The following IL17RA variants were observed in gnomAD, a reference collection of about 807,000 sequenced individuals.
IL17RA encodes interleukin 17 receptor A.
A neutral mutation model predicts 50.4 loss-of-function variants in IL17RA; 34 were observed. The ratio of observed to expected loss-of-function variants is 0.67; its 90% CI spans 0.51 to 0.90. The LOEUF (loss-of-function observed/expected upper bound fraction) is 0.90, where lower values mean the gene tolerates loss of function less well. IL17RA is among the 40% of genes least tolerant of loss of function. The probability of loss-of-function intolerance (pLI) is 0.00; values close to 1 mark genes in which losing one functional copy is unlikely to be tolerated. For synonymous variants in IL17RA, 585 were observed against 510.4 expected (o/e 1.15, Z -1.97); for missense variants, 1,276 against 1,169.8 (o/e 1.09, Z -1.32).
At chr22:17,104,916 GAGTTT>G (rs1264241924) in intron 9 of IL17RA, 106 bp downstream of exon 9, 17 of 1,089,366 alleles carry the variant, frequency 1.6e-5, no homozygotes, top group Non-Finnish European at 2.4e-5. Flanking sequence ...TTAGGGAGGA[GAGTTT>G]AGTTTAACTT....
Position 17,103,540 on chromosome 22 carries a change from T to C in IL17RA, c.809T>C (p.Leu270Pro), listed in dbSNP as rs759589886. The change falls in exon 8 of 13, where the codon CTA becomes CCA. Residue 270 changes from leucine (L) to proline (P), a missense_variant. Coordinates refer to ENST00000319363, the MANE Select transcript of IL17RA (RefSeq NM_014339.7). Reference protein sequence around the residue: ...FHQRSNVTLTLRNLKGCCRHQ... With the variant: ...FHQRSNVTLTPRNLKGCCRHQ... ...CAGCGATCCAACGTCACACTCACTC[T>C]ACGCAACCTTAAAGGGTGCTGTCGC... is the stretch of plus-strand genomic sequence containing the variant. 6 of 1,613,676 alleles carry C rather than the reference T, an allele frequency of 3.7e-6. No homozygotes were observed. In the Admixed American group the frequency reaches 6.7e-5, roughly 18 times the overall value.
intron 1 of IL17RA, among the ~76,000 whole-genome samples, chr22:17,086,208 G>C (rs987342348): frequency 6.6e-6 from 1 of 151,918 alleles, no homozygotes; most frequent in African/African-American, 2.4e-5. Flanking sequence ...CATCCCCGAG[G>C]GGATCTTTCC....
rs979578725 is a variant in IL17RA, at chr22:17,111,244, C to G, written c.*1424C>G. The stretch of plus-strand genomic sequence containing the variant: ...TTCATTTATAGGAAGAGAGAAATGT[C>G]GAGGTGAAACGTAAAAGCATCTGGC... On this transcript the variant is annotated 3_prime_UTR_variant, in exon 13 of 13. Transcript: ENST00000319363. The G allele has an allele frequency of 6.6e-6, 1 of 152,226 alleles. No individual in the cohort carries two copies. Among genetic ancestry groups the G allele is most frequent in the East Asian group, 1.9e-4 (1 of 5,168 alleles). 9.4% of individuals were successfully genotyped at this position (152,226 alleles called of 1,614,324 possible). A position where few individuals can be genotyped will look rare whatever the true frequency, so the allele number is the denominator to read the frequency against.
intron 1 of IL17RA, among the ~76,000 whole-genome samples, chr22:17,096,508 AC>A (rs975293201): frequency 1.3e-4 from 20 of 152,074 alleles, no homozygotes; most frequent in African/African-American, 4.6e-4. Context: ...TTCTCAGGGC[AC>A]TCCAAGAGAA....
Position 17,108,339 on chromosome 22 carries a change from C to T in IL17RA, c.1120C>T (p.Pro374Ser), listed in dbSNP as rs1601349199. The T allele has an allele frequency of 1.9e-6, 3 of 1,614,172 alleles. No individual in the cohort carries two copies. The highest frequency in any genetic ancestry group is 1.7e-4 in the Middle Eastern group (1 of 6,056). Residue 374 changes from proline (P) to serine (S), a missense_variant, in exon 13 of 13, where the codon CCG becomes TCG. By Grantham distance (74) the Pro-to-Ser change is moderately conservative (BLOSUM62 -1). Transcript: ENST00000319363. ...GCCTGCGGCTGACCTGATCCCCCCA[C>T]CGCTGAAGCCCAGGAAGGTCTGGAT... ...GLPAADLIPP[P>S]LKPRKVWIIY...
In IL17RA at chr22:17,113,319, A is replaced by G. The variant is rs1170851928; in HGVS notation, c.*3499A>G. On this transcript the variant is annotated 3_prime_UTR_variant, in exon 13 of 13. Transcript: ENST00000319363. ...AGCCATCTTTCCACCTCAGCCTGCCAGTGGCTAGAACTACAGGCGTGCACC... is the reference window on the plus strand; with the variant it reads ...AGCCATCTTTCCACCTCAGCCTGCCGGTGGCTAGAACTACAGGCGTGCACC... 1 of 152,240 alleles carries G rather than the reference A, an allele frequency of 6.6e-6. No individual in the cohort carries two copies. The highest frequency in any genetic ancestry group is 1.5e-5 in the Non-Finnish European group (1 of 68,140). The allele number at this position is 152,240 out of a possible 1,614,324, so 9.4% of individuals were successfully genotyped here. A position where few individuals can be genotyped will look rare whatever the true frequency, so the allele number is the denominator to read the frequency against.
intron 2 of IL17RA, chr22:17,097,456 G>A (rs2061372335): frequency 1.9e-6 from 1 of 515,102 alleles, no homozygotes; most frequent in African/African-American, 1.9e-5. Context: ...TCAAGTGTCT[G>A]AGCCAATTAG....
chr22:17,094,691 C>CTATATATATATATATATATATATATA (rs1188416715), intron 1 of IL17RA, among the ~76,000 whole-genome samples: 2 of 24,702 alleles, frequency 8.1e-5, no homozygotes, highest in Non-Finnish European at 1.3e-4. Context: ...CTCTCTCTCT[C>CTATATATATATATATATATATATATA]TATATATATA....
At position 17,113,150 on chromosome 22, in the gene IL17RA, T is replaced by C. The variant is rs894675834; in HGVS notation, c.*3330T>C. 6.6e-6 allele frequency: 1 copy of C among 152,214 alleles called. No individual in the cohort carries two copies. Among genetic ancestry groups the C allele is most frequent in the East Asian group, 1.9e-4 (1 of 5,204 alleles). The allele number at this position is 152,214 out of a possible 1,614,324, so 9.4% of individuals were successfully genotyped here. Reference sequence around the variant, plus strand: ...AGCAGTTTGAGCTGGGATCTCTGAATGCAAGGGTATGATGGATATACTTCT... The same window carrying C: ...AGCAGTTTGAGCTGGGATCTCTGAACGCAAGGGTATGATGGATATACTTCT... On this transcript the variant is annotated 3_prime_UTR_variant, in exon 13 of 13. Transcript: ENST00000319363.
chr22:17,106,610 C>T (rs992172474), intron 11 of IL17RA, among the ~76,000 whole-genome samples: 39 of 152,216 alleles, frequency 2.6e-4, no homozygotes, highest in African/African-American at 9.2e-4. Context: ...AGAACACAGG[C>T]CTTCCGGTTG....
In IL17RA at chr22:17,110,843, TAGAA is replaced by T. The variant is rs1568925064; in HGVS notation, c.*1027_*1030del. 6.6e-6 allele frequency: 1 copy of T among 151,984 alleles called. No individual in the cohort carries two copies. Among genetic ancestry groups the T allele is most frequent in the Non-Finnish European group, 1.5e-5 (1 of 68,164 alleles). 9.4% of individuals were successfully genotyped at this position (151,984 alleles called of 1,614,324 possible). A position where few individuals can be genotyped will look rare whatever the true frequency, so the allele number is the denominator to read the frequency against. ...CCCTGTCTCAAAAAAAATAAAAAAG[TAGAA>T]AGATGGAGTGGAAGCCTGCCCAGGG... On this transcript the variant is annotated 3_prime_UTR_variant, in exon 13 of 13. Coordinates refer to ENST00000319363, the MANE Select transcript of IL17RA (RefSeq NM_014339.7).
At chr22:17,101,899 A>G (rs2061392767) in intron 5 of IL17RA, 97 bp from the exon 6 acceptor site, 1 of 1,491,722 alleles carries the variant, frequency 6.7e-7, no homozygotes. Context: ...ACAGGCTCCC[A>G]GTGGGGAAAA....
At chr22:17,091,343 G>T (rs1279749187) in intron 1 of IL17RA, among the ~76,000 whole-genome samples, 6 of 152,114 alleles carry the variant, frequency 3.9e-5, no homozygotes, top group Non-Finnish European at 8.8e-5. Context: ...TGAAAGCATT[G>T]CTTTATTGCC....
chr22:17,103,823 GA>G (rs2061401535), intron 8 of IL17RA, among the ~76,000 whole-genome samples: 1 of 139,170 alleles, frequency 7.2e-6, no homozygotes, highest in African/African-American at 2.7e-5. Flanking sequence ...TGCACAGGTG[GA>G]GAGAGTGGTG....
intron 8 of IL17RA, among the ~76,000 whole-genome samples, chr22:17,104,397 TGTG>T (rs2061405274): frequency 9.6e-6 from 1 of 104,166 alleles, no homozygotes; most frequent in South Asian, 3.2e-4. Context: ...AGGTGGAGAG[TGTG>T]GTGTGGACGG....
In IL17RA at chr22:17,097,089, A is replaced by T. The variant is rs1345857269; in HGVS notation, c.163+3A>T. ...GCTAAACTGCACGGTCAAGAATAGT[A>T]AGTCATCTTTTTCTGTTCTTCTTCT... On this transcript the variant is annotated splice_donor_region_variant and intron_variant, in intron 2 of 12. Transcript: ENST00000319363. The T allele has an allele frequency of 6.2e-7, 1 of 1,613,064 alleles. No individual in the cohort carries two copies.
At position 17,110,245 on chromosome 22, in the gene IL17RA, C is replaced by G. The variant is rs1356183540; in HGVS notation, c.*425C>G. On this transcript the variant is annotated 3_prime_UTR_variant, in exon 13 of 13. Transcript: ENST00000319363. ...GGGCACGGTGGCTCACGCCTGTAAT[C>G]CCAGCACACTGGGAGGCCGAGGCAG... 2 of 273,456 alleles carry G rather than the reference C, an allele frequency of 7.3e-6. No homozygotes were observed. Among genetic ancestry groups the G allele is most frequent in the Non-Finnish European group, 1.4e-5 (2 of 140,448 alleles). The allele number at this position is 273,456 out of a possible 1,614,324, so 16.9% of individuals were successfully genotyped here. A position where few individuals can be genotyped will look rare whatever the true frequency, so the allele number is the denominator to read the frequency against.
chr22:17,105,760 G>A (rs2061412182), intron 10 of IL17RA, 93 bp from the exon 11 acceptor site: 2 of 1,413,688 alleles, frequency 1.4e-6, no homozygotes, highest in South Asian at 1.1e-5. Context: ...GGGCCAGAGA[G>A]GACAGAGCCT....
intron 3 of IL17RA, 106 bp downstream of exon 3, chr22:17,098,049 G>A: frequency 7.2e-7 from 1 of 1,380,734 alleles, no homozygotes; most frequent in Non-Finnish European, 1.0e-6. Context: ...AGACATGGGG[G>A]TTCAAATTTA....
Sources: allele counts gnomAD v4.1 joint callset (sites outside exome capture counted in the v4.1 genomes callset), GRCh38; gene constraint gnomAD v4.1.1; transcripts MANE v1.5; gene names NCBI Gene and HGNC (gene_info 2026-07-23, HGNC 2026-07-21).